Variants in LIG1 observed in about 807,000 individuals in gnomAD.
The protein encoded by LIG1 is DNA ligase 1.
Under a neutral mutation model 115.7 loss-of-function variants are expected in LIG1, and 70 were observed. The observed-to-expected ratio is 0.60, with a 90% CI of 0.50 to 0.74. The LOEUF is 0.74. Among genes scored for constraint, LIG1 ranks in the 30% least tolerant of loss-of-function variants. The pLI is 0.00. For synonymous variants in LIG1, 487 were observed against 495.3 expected (o/e 0.98, Z 0.22); for missense variants, 1,115 against 1,225.6 (o/e 0.91, Z 1.35).
At chr19:48,142,539 C>CACTACAGA in intron 11 of LIG1, among the ~76,000 whole-genome samples, 1 of 151,812 alleles carries the variant, frequency 6.6e-6, no homozygotes, top group South Asian at 2.1e-4. Flanking sequence ...AACGAAGGGA[C>CACTACAGA]ACTACAGAGC....
chr19:48,163,497 G>C (rs1480082095), intron 2 of LIG1, among the ~76,000 whole-genome samples: 2 of 151,892 alleles, frequency 1.3e-5, no homozygotes, highest in Non-Finnish European at 2.9e-5. Flanking sequence ...TTACAGGTGT[G>C]AGCCACTGCG....
chr19:48,168,312 C>T (rs2036585958), intron 1 of LIG1, among the ~76,000 whole-genome samples: 1 of 152,146 alleles, frequency 6.6e-6, no homozygotes, highest in Non-Finnish European at 1.5e-5. Flanking sequence ...GAGATCATCC[C>T]CACTTTATAG....
chr19:48,151,114 C>A, intron 7 of LIG1, 118 bp downstream of exon 7: 2 of 658,096 alleles, frequency 3.0e-6, no homozygotes. Flanking sequence ...CTTCTAGATT[C>A]GGCATTTAAG....
intron 18 of LIG1, among the ~76,000 whole-genome samples, chr19:48,131,908 C>T (rs989181356): frequency 2.7e-5 from 4 of 148,826 alleles, no homozygotes; most frequent in African/African-American, 9.9e-5. Context: ...AGATCCATCT[C>T]TGATCCTGTG....
chr19:48,135,913 G>A, intron 15 of LIG1, 121 bp downstream of exon 15: 1 of 737,238 alleles, frequency 1.4e-6, no homozygotes, highest in Non-Finnish European at 2.2e-6. Flanking sequence ...CCACCCAGGA[G>A]AGAGGAGCCT....
intron 2 of LIG1, among the ~76,000 whole-genome samples, chr19:48,163,167 C>A (rs1006738683): frequency 1.3e-5 from 2 of 152,038 alleles, no homozygotes; most frequent in African/African-American, 4.8e-5. Flanking sequence ...ATCCACCCAC[C>A]CTGGCCTCCC....
chr19:48,157,309 C>A (rs3730864), intron 4 of LIG1, among the ~76,000 whole-genome samples, 169 bp from the exon 5 acceptor site: 1 of 152,044 alleles, frequency 6.6e-6, no homozygotes. Context: ...ATCATCCCGC[C>A]CTCCAGTGCA....
chr19:48,149,981 G>A, intron 8 of LIG1, 107 bp downstream of exon 8: 1 of 1,587,384 alleles, frequency 6.3e-7, no homozygotes, highest in Non-Finnish European at 8.6e-7. Flanking sequence ...TTTCCAACCA[G>A]CAGGAAAGGA....
chr19:48,139,532 G>A (rs532911262), intron 12 of LIG1, among the ~76,000 whole-genome samples: 276 of 152,068 alleles, frequency 1.8e-3, no homozygotes, highest in African/African-American at 6.0e-3. Flanking sequence ...CGGGCCATCC[G>A]CATCACCAGC....
chr19:48,143,618 C>A lies in LIG1; in HGVS notation c.858-19G>T, dbSNP rs187245187. On this transcript the variant is annotated intron_variant, in intron 10 of 27. Transcript: ENST00000263274. ...AGGAACCCTAGGGAAGGAAAAGAGA[C>A]GCAAGAGTGACAGTGGTGCAGGCTA... The A allele has an allele frequency of 3.1e-6, 5 of 1,608,406 alleles. No homozygotes were observed. In the South Asian group the frequency reaches 3.3e-5, roughly 11 times the overall value.
intron 9 of LIG1, 149 bp from the exon 10 acceptor site, chr19:48,144,112 A>G: frequency 1.4e-6 from 1 of 733,118 alleles, no homozygotes; most frequent in Non-Finnish European, 2.5e-6. Flanking sequence ...CTCACATTCC[A>G]GCAGGAGAGT....
intron 9 of LIG1, among the ~76,000 whole-genome samples, chr19:48,146,787 C>T (rs2035143228): frequency 6.6e-6 from 1 of 152,210 alleles, no homozygotes; most frequent in Admixed American, 6.5e-5. Context: ...TACACAAACA[C>T]GGACACACAC....
At chr19:48,163,419 C>A (rs2036301149) in intron 2 of LIG1, among the ~76,000 whole-genome samples, 1 of 151,740 alleles carries the variant, frequency 6.6e-6, no homozygotes, top group Non-Finnish European at 1.5e-5. Context: ...AGGGGTTTCA[C>A]CATGTTGGTC....
chr19:48,116,737 C>G (rs2032866935), intron 26 of LIG1, among the ~76,000 whole-genome samples: 1 of 152,194 alleles, frequency 6.6e-6, no homozygotes, highest in Non-Finnish European at 1.5e-5. Context: ...CACACAGTGC[C>G]CACTGCACAG....
At chr19:48,133,860 G>C (rs758265975) in intron 17 of LIG1, 121 bp downstream of exon 17, 20 of 798,678 alleles carry the variant, frequency 2.5e-5, no homozygotes, top group Non-Finnish European at 3.0e-5. Context: ...GGAGCATTTG[G>C]TTTTGGTGGG....
chr19:48,117,627 C>G lies in LIG1; in HGVS notation c.2583+11G>C, dbSNP rs201876989. On this transcript the variant is annotated intron_variant, in intron 26 of 27. Transcript: ENST00000263274. ...CCACACAGGGCCACGGCCAGGTCCT[C>G]TGCCACTCACCAGGCCCCGCGCAGC... 1.8e-5 allele frequency: 29 copies of G among 1,611,642 alleles called. No individual in the cohort carries two copies. The African/African-American group carries it at 3.2e-4, about 18-fold the overall frequency.
intron 26 of LIG1, 80 bp from the exon 27 acceptor site, chr19:48,116,045 T>A (rs2032791655): frequency 9.8e-7 from 1 of 1,017,306 alleles, no homozygotes; most frequent in Non-Finnish European, 1.5e-6. Flanking sequence ...CACTCTGGAC[T>A]GTTTCCTGAT....
At chr19:48,144,944 C>T (rs2035022877) in intron 9 of LIG1, among the ~76,000 whole-genome samples, 1 of 152,102 alleles carries the variant, frequency 6.6e-6, no homozygotes. Flanking sequence ...GACAGGGTCT[C>T]ACTGTCGCCC....
chr19:48,158,313 G>T (rs1005835655), intron 4 of LIG1, among the ~76,000 whole-genome samples: 58 of 152,122 alleles, frequency 3.8e-4, no homozygotes, highest in Non-Finnish European at 6.8e-4. Context: ...GCAGAATATG[G>T]ATGTTCACAG....
Sources: gnomAD v4.1 joint callset for allele counts (sites outside exome capture counted in the v4.1 genomes callset) on GRCh38, gnomAD v4.1.1 for gene constraint, MANE v1.5 for transcripts, NCBI Gene and HGNC (gene_info 2026-07-23, HGNC 2026-07-21) for gene names.